Variants in ACYP2 observed in about 807,000 individuals in gnomAD.
ACYP2 encodes acylphosphatase-2.
In ACYP2, 12 loss-of-function variants were observed where a neutral mutation model predicts 11.2. The observed-to-expected ratio is 1.08, with a 90% CI of 0.69 to 1.74. ACYP2 has a LOEUF of 1.74. ACYP2 is among the 40% of genes most tolerant of loss of function. The pLI, the probability that ACYP2 is intolerant of heterozygous loss-of-function variation, is 0.00. For synonymous variants in ACYP2, 43 were observed against 32.2 expected, an observed-to-expected ratio of 1.33 and a Z score of -1.13; for missense variants, 134 against 101.9, an observed-to-expected ratio of 1.31 and a Z score of -1.35.
At chr2:54,149,319 C>T (rs1031716707) in intron 6 of ACYP2, among the ~76,000 whole-genome samples, 6 of 152,200 alleles carry the variant, frequency 3.9e-5, no homozygotes, top group Admixed American at 2.0e-4. Context: ...TCTTTACTAA[C>T]AAGCCAGCAG....
At chr2:54,171,564 G>A (rs1683222548) in intron 6 of ACYP2, among the ~76,000 whole-genome samples, 1 of 152,154 alleles carries the variant, frequency 6.6e-6, no homozygotes, top group Non-Finnish European at 1.5e-5. Flanking sequence ...CTGTTTGAGA[G>A]CAACTCTGTT....
At chr2:54,246,321 A>C (rs1686949974) in intron 6 of ACYP2, among the ~76,000 whole-genome samples, 1 of 152,124 alleles carries the variant, frequency 6.6e-6, no homozygotes, top group South Asian at 2.1e-4. Flanking sequence ...ATTAATTGCT[A>C]AATTAGCTTA....
intron 2 of ACYP2, among the ~76,000 whole-genome samples, chr2:54,017,153 C>G (rs954398325): frequency 1.3e-5 from 2 of 152,186 alleles, no homozygotes; most frequent in Non-Finnish European, 2.9e-5. Context: ...CCCTCAAGCC[C>G]TTCTGTAAGG....
At chr2:54,230,829 C>CTTTTTT (rs34359444) in intron 6 of ACYP2, among the ~76,000 whole-genome samples, 16 of 129,374 alleles carry the variant, frequency 1.2e-4, no homozygotes, top group South Asian at 2.5e-4. Context: ...TCTTTCTTTT[C>CTTTTTT]TTTTTTTTTT....
At chr2:54,299,095 G>A (rs1302627030) in intron 6 of ACYP2, among the ~76,000 whole-genome samples, 1 of 152,118 alleles carries the variant, frequency 6.6e-6, no homozygotes, top group Non-Finnish European at 1.5e-5. Flanking sequence ...ATGATGTAGT[G>A]CTGAAGACAG....
intron 6 of ACYP2, among the ~76,000 whole-genome samples, chr2:54,201,935 T>A (rs1189808624): frequency 3.3e-5 from 5 of 152,034 alleles, no homozygotes; most frequent in African/African-American, 7.2e-5. Context: ...CTTAAACTCC[T>A]GACCTGAGGT....
rs139800956 is a variant in ACYP2, at chr2:54,257,839, G to T, written c.405-46849G>T. Among the ~76,000 whole-genome samples, 9 of 152,224 alleles carry T rather than the reference G, an allele frequency of 5.9e-5. No homozygotes were observed. In the East Asian group the frequency reaches 1.7e-3, roughly 29 times the overall value. ...TATCAACACGGACTGAAATGCAATA[G>T]AAAATCTAAATAGACCTAGAGACAA... On this transcript the variant is annotated intron_variant, in intron 6 of 6. Coordinates refer to ENST00000607452, the MANE Select transcript of ACYP2 (RefSeq NM_001320586.2).
At chr2:54,114,671 C>T (rs535771155) in intron 4 of ACYP2, among the ~76,000 whole-genome samples, 47 of 152,206 alleles carry the variant, frequency 3.1e-4, no homozygotes, top group African/African-American at 6.0e-4. Context: ...GAGACAAGAG[C>T]GAAACTCCGT....
At chr2:54,191,879 G>C (rs1684256082) in intron 6 of ACYP2, among the ~76,000 whole-genome samples, 1 of 152,076 alleles carries the variant, frequency 6.6e-6, no homozygotes. Flanking sequence ...ATAAACATAT[G>C]TAGACAGGTT....
Position 54,193,114 on chromosome 2 carries a change from G to A in ACYP2, c.404+54366G>A, listed in dbSNP as rs533319064. 1.3e-4 allele frequency among the ~76,000 whole-genome samples: 20 copies of A among 152,302 alleles called. 1 individual carries two copies. Among genetic ancestry groups the A allele is most frequent in the Middle Eastern group, 3.4e-3 (1 of 294 alleles). ...AACCTTTCACATAATGCTACACTTG[G>A]TTCAAGTTGAAGTCCTGGTTTAAAT... On this transcript the variant is annotated intron_variant, in intron 6 of 6. Transcript: ENST00000607452.
At chr2:54,057,545 A>G (rs932174476) in intron 4 of ACYP2, among the ~76,000 whole-genome samples, 2 of 152,162 alleles carry the variant, frequency 1.3e-5, no homozygotes, top group African/African-American at 4.8e-5. Flanking sequence ...CAATTCAAAG[A>G]TAGTTTTTTA....
chr2:54,035,339 C>T (rs1674836977), intron 2 of ACYP2, among the ~76,000 whole-genome samples: 1 of 149,366 alleles, frequency 6.7e-6, no homozygotes, highest in Admixed American at 6.7e-5. Flanking sequence ...GATCTCGGCG[C>T]ACTGCAAGCT....
At chr2:54,119,903 C>T (rs6545386) in intron 4 of ACYP2, among the ~76,000 whole-genome samples, 36,835 of 152,018 alleles carry the variant, frequency 0.24, 4,935 homozygotes, top group South Asian at 0.41. Flanking sequence ...ACCTTGTTGT[C>T]GATGACGTTG....
At chr2:54,116,922 G>A (rs976894384) in intron 4 of ACYP2, among the ~76,000 whole-genome samples, 4 of 152,150 alleles carry the variant, frequency 2.6e-5, no homozygotes, top group Admixed American at 1.3e-4. Context: ...AGGAAGGGTG[G>A]TTACAGAACA....
At chr2:53,999,042 G>T (rs1230382891) in intron 2 of ACYP2, among the ~76,000 whole-genome samples, 1 of 152,090 alleles carries the variant, frequency 6.6e-6, no homozygotes, top group Non-Finnish European at 1.5e-5. Context: ...ATGCTTAATT[G>T]TTGGGGAAGG....
intron 6 of ACYP2, among the ~76,000 whole-genome samples, chr2:54,234,188 C>G (rs189078676): frequency 6.6e-6 from 1 of 152,166 alleles, no homozygotes; most frequent in Non-Finnish European, 1.5e-5. Context: ...TGAAGCTTTC[C>G]TGGGCATTTT....
At chr2:54,133,204 G>C (rs1363685549) in intron 4 of ACYP2, among the ~76,000 whole-genome samples, 1 of 152,154 alleles carries the variant, frequency 6.6e-6, no homozygotes, top group Non-Finnish European at 1.5e-5. Flanking sequence ...CTTATAGTTT[G>C]CCTTTTCCAG....
intron 4 of ACYP2, among the ~76,000 whole-genome samples, chr2:54,103,691 C>T (rs974631142): frequency 2.0e-5 from 3 of 152,084 alleles, no homozygotes; most frequent in African/African-American, 4.8e-5. Context: ...ATGTTTATGA[C>T]TATGAAATAT....
At chr2:54,173,964 G>T (rs1338017290) in intron 6 of ACYP2, among the ~76,000 whole-genome samples, 3 of 152,156 alleles carry the variant, frequency 2.0e-5, no homozygotes, top group Admixed American at 6.6e-5. Flanking sequence ...GTCAGGTAGT[G>T]TGATGCCTCC....
Sources: gnomAD v4.1 joint callset for allele counts (sites outside exome capture counted in the v4.1 genomes callset) on GRCh38, gnomAD v4.1.1 for gene constraint, MANE v1.5 for transcripts, NCBI Gene and HGNC (gene_info 2026-07-23, HGNC 2026-07-21) for gene names.